Variants in ERN1 observed in about 807,000 individuals in gnomAD.
ERN1 encodes the protein serine/threonine-protein kinase/endoribonuclease IRE1.
Under a neutral mutation model 113.1 loss-of-function variants are expected in ERN1, and 39 were observed. The ratio of observed to expected loss-of-function variants is 0.34; its 90% CI spans 0.27 to 0.45. ERN1 has a LOEUF of 0.45. Among genes scored for constraint, ERN1 ranks in the 20% least tolerant of loss-of-function variants. The pLI is 1.00. For synonymous variants in ERN1, 507 were observed against 515.9 expected (o/e 0.98, Z 0.23); for missense variants, 976 against 1,274.8 (o/e 0.77, Z 3.57).
intron 1 of ERN1, among the ~76,000 whole-genome samples, chr17:64,110,361 C>T (rs1429986362): frequency 6.6e-6 from 1 of 152,072 alleles, no homozygotes; most frequent in East Asian, 1.9e-4. Flanking sequence ...GTGGTGAGAA[C>T]ATTTCAAATC....
chr17:64,125,901 G>A (rs75992219), intron 1 of ERN1, among the ~76,000 whole-genome samples: 7,082 of 152,234 alleles, frequency 0.047, 182 homozygotes, highest in Middle Eastern at 0.068. Context: ...GATGTTCTGT[G>A]GGGAAAAAGT....
At chr17:64,087,176 G>A (rs1913959251) in intron 2 of ERN1, among the ~76,000 whole-genome samples, 1 of 152,190 alleles carries the variant, frequency 6.6e-6, no homozygotes, top group African/African-American at 2.4e-5. Context: ...ATTGAGCCAT[G>A]TGGGGAAACT....
chr17:64,104,077 A>G (rs76876687), intron 1 of ERN1, among the ~76,000 whole-genome samples: 3 of 144,140 alleles, frequency 2.1e-5, no homozygotes, highest in African/African-American at 8.3e-5. Context: ...CATCTTGACA[A>G]AAAAAAAAAA....
intron 16 of ERN1, 35 bp from the exon 17 acceptor site, chr17:64,053,014 C>G (rs1912735296): frequency 6.9e-7 from 1 of 1,455,094 alleles, no homozygotes; most frequent in Non-Finnish European, 9.1e-7. Context: ...CAATGCTTAC[C>G]AGGAGCAACC....
intron 1 of ERN1, among the ~76,000 whole-genome samples, chr17:64,110,256 T>C (rs1257910195): frequency 6.6e-6 from 1 of 152,232 alleles, no homozygotes; most frequent in African/African-American, 2.4e-5. Flanking sequence ...ATACTTACGG[T>C]GTACAACATG....
chr17:64,104,233 C>T (rs1287244785), intron 1 of ERN1, among the ~76,000 whole-genome samples: 2 of 152,190 alleles, frequency 1.3e-5, no homozygotes, highest in African/African-American at 2.4e-5. Flanking sequence ...CAGAGCCAGA[C>T]TCTGTCTCAA....
intron 5 of ERN1, among the ~76,000 whole-genome samples, chr17:64,072,954 T>G (rs1165773142): frequency 6.6e-6 from 1 of 152,108 alleles, no homozygotes; most frequent in South Asian, 2.1e-4. Context: ...TTTTGGAGAC[T>G]CTTAGAAGAA....
chr17:64,039,170 G>A lies in ERN1; in HGVS notation c.*4818C>T, dbSNP rs1912266658. On this transcript the variant is annotated 3_prime_UTR_variant, in exon 22 of 22. Coordinates refer to ENST00000433197, the MANE Select transcript of ERN1 (RefSeq NM_001433.5). ...AAAATCTAAAACTACCTTTATTGTGGTTGGCTCGACATAAGATGCCGCCAT... is the reference window on the plus strand; with the variant it reads ...AAAATCTAAAACTACCTTTATTGTGATTGGCTCGACATAAGATGCCGCCAT... The A allele has an allele frequency of 6.6e-6, 1 of 152,164 alleles. No individual in the cohort carries two copies. The highest frequency in any genetic ancestry group is 2.4e-5 in the African/African-American group (1 of 41,430). The allele number at this position is 152,164 out of a possible 1,614,324, so 9.4% of individuals were successfully genotyped here.
intron 2 of ERN1, among the ~76,000 whole-genome samples, chr17:64,088,728 C>T (rs567826689): frequency 6.6e-6 from 1 of 152,250 alleles, no homozygotes; most frequent in African/African-American, 2.4e-5. Context: ...TAACGAACTG[C>T]TAGAACATGG....
chr17:64,093,318 A>G (rs1914139469), intron 2 of ERN1, among the ~76,000 whole-genome samples: 1 of 152,100 alleles, frequency 6.6e-6, no homozygotes, highest in African/African-American at 2.4e-5. Flanking sequence ...CTCAGACCCA[A>G]GCTTGTATCC....
At chr17:64,098,591 C>T (rs1354971355) in intron 1 of ERN1, 1 of 544,516 alleles carries the variant, frequency 1.8e-6, no homozygotes. Flanking sequence ...ACCTGGGCAT[C>T]TCATAAGACG....
At chr17:64,079,084 G>A (rs747017335) in intron 4 of ERN1, among the ~76,000 whole-genome samples, 7 of 152,172 alleles carry the variant, frequency 4.6e-5, no homozygotes, top group Admixed American at 2.6e-4. Flanking sequence ...GTGTGGGCCT[G>A]TTTCTAAATT....
chr17:64,101,323 T>A (rs2143460264), intron 1 of ERN1, among the ~76,000 whole-genome samples: 1 of 151,552 alleles, frequency 6.6e-6, no homozygotes, highest in South Asian at 2.1e-4. Context: ...GCAGAAGAAA[T>A]CACTTGAACC....
Position 64,049,460 on chromosome 17 carries a change from C to T in ERN1, c.2254-258G>A, listed in dbSNP as rs1170416351. Among the ~76,000 whole-genome samples the T allele has an allele frequency of 6.6e-6, 1 of 152,206 alleles. No individual in the cohort carries two copies. The highest frequency in any genetic ancestry group is 1.5e-5 in the Non-Finnish European group (1 of 68,038). ...CTCTCATGTGAGATGAGGACACTGACAGCATGGGGCTGTTGTCAAAAGAGA... is the reference window on the plus strand; with the variant it reads ...CTCTCATGTGAGATGAGGACACTGATAGCATGGGGCTGTTGTCAAAAGAGA... On this transcript the variant is annotated intron_variant, in intron 17 of 21. Transcript: ENST00000433197. The surrounding 1 kb of genome is among the most constrained non-coding windows in gnomAD (Gnocchi z 4.7).
In ERN1 at chr17:64,043,679, T is replaced by C; in HGVS notation, c.*309A>G. 1 of 281,590 alleles carries C rather than the reference T, an allele frequency of 3.6e-6. No homozygotes were observed. The highest frequency in any genetic ancestry group is 6.6e-6 in the Non-Finnish European group (1 of 151,490). 17.4% of individuals were successfully genotyped at this position (281,590 alleles called of 1,614,324 possible). ...ACATTAAGCAGGAATTTAAAAAGTC[T>C]GAAGCAAGTTTATCCAGTAGATGGC... is the stretch of plus-strand genomic sequence containing the variant. On this transcript the variant is annotated 3_prime_UTR_variant, in exon 22 of 22. Transcript: ENST00000433197.
chr17:64,072,188 T>C (rs1457595077), intron 5 of ERN1, 85 bp from the exon 6 acceptor site: 4 of 1,459,644 alleles, frequency 2.7e-6, no homozygotes, highest in Non-Finnish European at 3.8e-6. Flanking sequence ...TGCTCTGTAT[T>C]GAGAGAGATA....
rs199512451 is a variant in ERN1 at position 64,072,062 on chromosome 17, C to T, written c.397G>A (p.Gly133Arg). The T allele has an allele frequency of 8.7e-6, 14 of 1,611,560 alleles. No individual in the cohort carries two copies. The highest frequency in any genetic ancestry group is 2.2e-5 in the East Asian group (1 of 44,834). ...DIWYVIDLLT[G>R]EKQQTLSSAF... ...GATGACAAAGTCTGCTGCTTCTCTC[C>T]GGTCAGGAGGTCAATAACATACCAG... The change falls in exon 6 of 22, where the codon GGA (glycine) becomes AGA (arginine). Residue 133 changes from glycine to arginine, a missense_variant. By Grantham distance (125) the Gly-to-Arg change is moderately radical. Transcript: ENST00000433197.
intron 1 of ERN1, among the ~76,000 whole-genome samples, chr17:64,103,923 T>C (rs1000622208): frequency 2.0e-5 from 3 of 152,112 alleles, no homozygotes; most frequent in Non-Finnish European, 4.4e-5. Flanking sequence ...AGCTCATCAG[T>C]GGCTAGAGAA....
intron 17 of ERN1, among the ~76,000 whole-genome samples, chr17:64,051,751 A>C (rs1363161507): frequency 6.6e-6 from 1 of 152,056 alleles, no homozygotes; most frequent in Non-Finnish European, 1.5e-5. Flanking sequence ...GGTATATAAA[A>C]CCCAGTAGGT....
Sources: allele counts gnomAD v4.1 joint callset (sites outside exome capture counted in the v4.1 genomes callset), GRCh38; gene constraint gnomAD v4.1.1; non-coding constraint Gnocchi (gnomAD v3.1); transcripts MANE v1.5; gene names NCBI Gene and HGNC (gene_info 2026-07-23, HGNC 2026-07-21).